GPX7: variants seen among roughly 807,000 people sequenced by gnomAD.
GPX7 encodes the protein protein peroxidase GPX7.
Under a neutral mutation model 23.7 loss-of-function variants are expected in GPX7, and 21 were observed. That is an observed-to-expected ratio of 0.89 (90% confidence interval 0.63 to 1.28). The LOEUF is 1.28. GPX7 is among the 50% of genes most tolerant of loss of function. GPX7 has a pLI of 0.00. For synonymous variants in GPX7, 112 were observed against 101.8 expected (o/e 1.10, Z -0.61); for missense variants, 238 against 237.3 (o/e 1.00, Z -0.02).
intron 2 of GPX7, chr1:52,607,367 AC>A (rs1283603090): frequency 1.7e-5 from 3 of 179,170 alleles, no homozygotes; most frequent in Admixed American, 1.1e-4. Context: ...AGGCATCTTC[AC>A]CCTGAGTCAG....
chr1:52,602,689 C>G (rs1690812950), intron 1 of GPX7, 142 bp downstream of exon 1: 1 of 225,632 alleles, frequency 4.4e-6, no homozygotes, highest in African/African-American at 2.3e-5. Flanking sequence ...CCGGCCCCCG[C>G]CCCGCTCGGC....
intron 1 of GPX7, 65 bp downstream of exon 1, chr1:52,602,612 C>G: frequency 9.4e-7 from 1 of 1,061,398 alleles, no homozygotes; most frequent in Non-Finnish European, 1.3e-6. Flanking sequence ...CTGCTGGGGA[C>G]GCCCCGCAGC....
intron 1 of GPX7, among the ~76,000 whole-genome samples, chr1:52,604,096 A>G (rs1690829701): frequency 6.6e-6 from 1 of 152,224 alleles, no homozygotes; most frequent in Non-Finnish European, 1.5e-5. Context: ...ACATGGGGTA[A>G]GGAGAAGAAA....
chr1:52,605,486 T>C (rs896523759), intron 1 of GPX7, among the ~76,000 whole-genome samples: 4 of 152,268 alleles, frequency 2.6e-5, no homozygotes, highest in African/African-American at 7.2e-5. Flanking sequence ...ATGTCAATTA[T>C]GGAGGATAGG....
chr1:52,607,263 G>C, intron 2 of GPX7: 1 of 398,294 alleles, frequency 2.5e-6, no homozygotes, highest in Admixed American at 3.8e-5. Context: ...TTAAGTCAGT[G>C]TGAACTAGAT....
chr1:52,606,439 ATGTGTG>A (rs1690852564), intron 1 of GPX7, among the ~76,000 whole-genome samples: 1 of 152,094 alleles, frequency 6.6e-6, no homozygotes, highest in South Asian at 2.1e-4. Flanking sequence ...ATGTTCATGT[ATGTGTG>A]CACACATCTG....
rs777708276 is a variant in GPX7 at position 52,608,666 on chromosome 1, G to A, written c.*241G>A. The A allele has an allele frequency of 2.4e-4, 71 of 290,440 alleles. 1 individual carries two copies. Among genetic ancestry groups the A allele is most frequent in the Middle Eastern group, 1.0e-3 (1 of 976 alleles). The allele number at this position is 290,440 out of a possible 1,614,324, so 18.0% of individuals were successfully genotyped here. Reference sequence around the variant, plus strand: ...TGACCAGTGAATCACCAGCCGATACGAACGTCTTGCCAACAAAAATGTGTG... The same window carrying A: ...TGACCAGTGAATCACCAGCCGATACAAACGTCTTGCCAACAAAAATGTGTG... On this transcript the variant is annotated 3_prime_UTR_variant, in exon 3 of 3. Transcript: ENST00000361314.
chr1:52,604,918 G>A (rs2149859803), intron 1 of GPX7, among the ~76,000 whole-genome samples: 1 of 152,050 alleles, frequency 6.6e-6, no homozygotes, highest in Non-Finnish European at 1.5e-5. Flanking sequence ...GGTGGCGTGT[G>A]CCTGTAATCC....
chr1:52,606,631 T>C, intron 1 of GPX7, 53 bp from the exon 2 acceptor site: 7 of 1,587,510 alleles, frequency 4.4e-6, no homozygotes, highest in Non-Finnish European at 6.0e-6. Context: ...TACAGGTTCA[T>C]GCCTCTTCAC....
chr1:52,602,419 GC>G lies in GPX7; in HGVS notation c.11del (p.Ala4GlyfsTer48). The G allele has an allele frequency of 6.6e-7, 1 of 1,513,138 alleles. No individual in the cohort carries two copies. The highest frequency in any genetic ancestry group is 2.2e-5 in the Admixed American group (1 of 45,116). The allele number at this position is 1,513,138 out of a possible 1,614,324, so 93.7% of individuals were successfully genotyped here. MVA[A>X]TVAAAWLLLW... ...ACCTCCGGAACAAGCCATGGTGGCG[GC>G]GACGGTGGCAGCGGCGTGGCTGCTC... On this transcript the variant is annotated frameshift_variant, in exon 1 of 3. Transcript: ENST00000361314. LOFTEE classifies it high-confidence loss of function.
chr1:52,603,699 T>C (rs1377072112), intron 1 of GPX7, among the ~76,000 whole-genome samples: 3 of 152,192 alleles, frequency 2.0e-5, no homozygotes, highest in Admixed American at 2.0e-4. Flanking sequence ...TCTATAAGCC[T>C]TGAAATTTTC....
chr1:52,602,954 T>G (rs916864498), intron 1 of GPX7, among the ~76,000 whole-genome samples: 14 of 152,210 alleles, frequency 9.2e-5, no homozygotes, highest in Non-Finnish European at 1.3e-4. Flanking sequence ...TTTCTGCATC[T>G]GGAACGGGGA....
chr1:52,603,017 AG>A (rs1690818791), intron 1 of GPX7, among the ~76,000 whole-genome samples: 1 of 7,878 alleles, frequency 1.3e-4, no homozygotes, highest in Non-Finnish European at 2.0e-4. Context: ...TGTGCAGGGC[AG>A]AGAGAGAGTT....
rs1571660675 is a variant in GPX7, at chr1:52,606,792, G to A, written c.247G>A (p.Ala83Thr). 8 of 1,614,144 alleles carry A rather than the reference G, an allele frequency of 5.0e-6. No individual in the cohort carries two copies. Among genetic ancestry groups the A allele is most frequent in the South Asian group, 3.3e-5 (3 of 91,076 alleles). Residue 83 changes from alanine (A) to threonine (T), a missense_variant, in exon 2 of 3, where the codon GCC becomes ACC. By Grantham distance (58) the Ala-to-Thr change is moderately conservative. Coordinates refer to ENST00000361314, the MANE Select transcript of GPX7 (RefSeq NM_015696.5). ...GGGCCCCCACCACTTTAACGTGCTC[G>A]CCTTCCCCTGCAACCAGTTTGGCCA... ...DLGPHHFNVL[A>T]FPCNQFGQQE...
chr1:52,607,194 C>T lies in GPX7; in HGVS notation c.400+249C>T, dbSNP rs964063762. On this transcript the variant is annotated intron_variant, in intron 2 of 2. Coordinates refer to ENST00000361314, the MANE Select transcript of GPX7 (RefSeq NM_015696.5). ...CCTCTCACTTGTCCCTCAGAAGTCA[C>T]TCTTTTGGACTTTTCTGGGATCCTG... 1.1e-5 allele frequency: 6 copies of T among 535,938 alleles called. No individual in the cohort carries two copies. The Admixed American group carries it at 1.6e-4, about 14-fold the overall frequency. The allele number at this position is 535,938 out of a possible 1,614,324, so 33.2% of individuals were successfully genotyped here.
chr1:52,602,438 G>A lies in GPX7; in HGVS notation c.29G>A (p.Trp10Ter), dbSNP rs749465968. 53 of 1,525,946 alleles carry A rather than the reference G, an allele frequency of 3.5e-5. No individual in the cohort carries two copies. Among genetic ancestry groups the A allele is most frequent in the Non-Finnish European group, 4.5e-5 (51 of 1,140,676 alleles). The allele number at this position is 1,525,946 out of a possible 1,614,324, so 94.5% of individuals were successfully genotyped here. The change falls in exon 1 of 3, where the codon TGG becomes TAG. Residue 10 changes from tryptophan (W) to a stop codon, truncating the protein, a stop_gained. Transcript: ENST00000361314. LOFTEE classifies it high-confidence loss of function. ...GTGGCGGCGACGGTGGCAGCGGCGT[G>A]GCTGCTCCTGTGGGCTGCGGCCTGC... The part of the protein sequence containing the change: MVAATVAAA[W>*]LLLWAAACAQ...
intron 1 of GPX7, among the ~76,000 whole-genome samples, chr1:52,604,862 G>A (rs1690838343): frequency 6.6e-6 from 1 of 152,032 alleles, no homozygotes; most frequent in Non-Finnish European, 1.5e-5. Context: ...GGCCAACATG[G>A]TGAAACTCCG....
intron 2 of GPX7, 116 bp from the exon 3 acceptor site, chr1:52,608,146 G>A (rs937405382): frequency 3.4e-6 from 3 of 891,314 alleles, no homozygotes; most frequent in African/African-American, 3.4e-5. Flanking sequence ...GAGTGGTCTG[G>A]GGTGTGGACT....
chr1:52,606,944 C>T lies in GPX7; in HGVS notation c.399C>T (p.Ala133=). 6.2e-7 allele frequency: 1 copy of T among 1,613,942 alleles called. No individual in the cohort carries two copies. The highest frequency in any genetic ancestry group is 8.5e-7 in the Non-Finnish European group (1 of 1,179,860). Residue 133 remains alanine (A), a splice_region_variant and synonymous_variant, in exon 2 of 3, where the codon GCC becomes GCT. Coordinates refer to ENST00000361314, the MANE Select transcript of GPX7 (RefSeq NM_015696.5). ...CCCATCCTGCCTTCAAGTACCTGGC[C>T]CGTAAGTCCTGGTCTCTTCATCCCC... ...TGAHPAFKYL[A]QTSGKEPTWN...
Sources: gnomAD v4.1 joint callset for allele counts (sites outside exome capture counted in the v4.1 genomes callset) on GRCh38, gnomAD v4.1.1 for gene constraint, MANE v1.5 for transcripts, NCBI Gene and HGNC (gene_info 2026-07-23, HGNC 2026-07-21) for gene names.